INSR: variants seen among roughly 807,000 people sequenced by gnomAD.
INSR encodes IR.
A neutral mutation model predicts 142.6 loss-of-function variants in INSR; 67 were observed. The ratio of observed to expected loss-of-function variants is 0.47; its 90% CI spans 0.39 to 0.58. The LOEUF (loss-of-function observed/expected upper bound fraction) is 0.58. INSR is among the 20% of genes least tolerant of loss of function. INSR has a pLI of 0.00. For synonymous variants in INSR, 756 were observed against 743.1 expected (o/e 1.02, Z -0.28); for missense variants, 1,248 against 1,833.2 (o/e 0.68, Z 5.83).
In INSR at chr19:7,192,054, GAGAA is replaced by G. The variant is rs1376551703; in HGVS notation, c.653-7421_653-7418del. 2.1e-5 allele frequency among the ~76,000 whole-genome samples: 3 copies of G among 143,230 alleles called. No individual in the cohort carries two copies. The highest frequency in any genetic ancestry group is 3.0e-5 in the Non-Finnish European group (2 of 66,020). The allele number at this position is 143,230 out of a possible 152,430, so 94.0% of individuals were successfully genotyped here. A position where few individuals can be genotyped will look rare whatever the true frequency, so the allele number is the denominator to read the frequency against. ...AGAAAGAAAGAGGCAGGAAGGGAGGGAGAAAGAAAGAAGGAAAGAAAGAGAGAAA... is the reference window on the plus strand; with the variant it reads ...AGAAAGAAAGAGGCAGGAAGGGAGGGAGAAAGAAGGAAAGAAAGAGAGAAA... On this transcript the variant is annotated intron_variant, in intron 2 of 21. Coordinates refer to ENST00000302850, the MANE Select transcript of INSR (RefSeq NM_000208.4). This position sits in a 1 kb window ranked among gnomAD's most constrained non-coding sequence, Gnocchi z 4.2.
chr19:7,145,074 G>C (rs1008137794), intron 11 of INSR, among the ~76,000 whole-genome samples: 1 of 151,280 alleles, frequency 6.6e-6, no homozygotes, highest in Non-Finnish European at 1.5e-5. Context: ...TCCTTTATTG[G>C]TTCTCTGTGA....
chr19:7,119,767 A>G lies in INSR; in HGVS notation c.3660-184T>C, dbSNP rs1972436836. Among the ~76,000 whole-genome samples, 1 of 136,590 alleles carries G rather than the reference A, an allele frequency of 7.3e-6. No individual in the cohort carries two copies. The highest frequency in any genetic ancestry group is 1.6e-5 in the Non-Finnish European group (1 of 62,942). The allele number at this position is 136,590 out of a possible 152,430, so 89.6% of individuals were successfully genotyped here. The stretch of plus-strand genomic sequence containing the variant: ...GTGCACACACATGCAAATACACACA[A>G]ACACGCATGCGCACACATGCACACA... On this transcript the variant is annotated intron_variant, in intron 20 of 21. Transcript: ENST00000302850. This position sits in a 1 kb window ranked among gnomAD's most constrained non-coding sequence, Gnocchi z 5.2.
At position 7,190,369 on chromosome 19, in the gene INSR, GTTTT is replaced by G. The variant is rs34757652; in HGVS notation, c.653-5736_653-5733del. Among the ~76,000 whole-genome samples, 15 of 102,696 alleles carry G rather than the reference GTTTT, an allele frequency of 1.5e-4. No homozygotes were observed. In the South Asian group the frequency reaches 1.9e-3, roughly 13 times the overall value. 67.4% of individuals were successfully genotyped at this position (102,696 alleles called of 152,430 possible). ...ACATGCTGACCTGTGTTCTTTGGTGGTTTTTTTTTTTTTTTTTTTTTGAGACAGA... is the reference window on the plus strand; with the variant it reads ...ACATGCTGACCTGTGTTCTTTGGTGGTTTTTTTTTTTTTTTTTGAGACAGA... On this transcript the variant is annotated intron_variant, in intron 2 of 21. Transcript: ENST00000302850.
At chr19:7,135,995 ATG>A (rs1972915184) in intron 13 of INSR, among the ~76,000 whole-genome samples, 1 of 151,196 alleles carries the variant, frequency 6.6e-6, no homozygotes, top group South Asian at 2.1e-4. Flanking sequence ...AATGAAAGAA[ATG>A]CCAAACTCTT....
Position 7,267,544 on chromosome 19 carries a change from C to A in INSR, c.453G>T (p.Glu151Asp). The A allele has an allele frequency of 6.2e-7, 1 of 1,614,094 alleles. No homozygotes were observed. The highest frequency in any genetic ancestry group is 8.5e-7 in the Non-Finnish European group (1 of 1,180,026). ...RGSVRIEKNNELCYLATIDWS... is the reference protein window; with the variant it reads ...RGSVRIEKNNDLCYLATIDWS... ...AGTCGATAGTGGCCAAGTAACAGAG[C>A]TCATTGTTCTTCTCGATGCGGACAG... Residue 151 changes from glutamate to aspartate, a missense_variant, in exon 2 of 22, where the codon GAG becomes GAT. By Grantham distance (45) the Glu-to-Asp change is conservative. This residue lies in a region of INSR where 1,069 missense variants were observed against 1,654.0 expected (regional missense o/e 0.65). Coordinates refer to ENST00000302850, the MANE Select transcript of INSR (RefSeq NM_000208.4). This position sits in a 1 kb window ranked among gnomAD's most constrained non-coding sequence, Gnocchi z 6.3.
chr19:7,153,121 CA>C (rs1973445901), intron 9 of INSR, among the ~76,000 whole-genome samples, 194 bp from the exon 10 acceptor site: 1 of 104,888 alleles, frequency 9.5e-6, no homozygotes, highest in Non-Finnish European at 1.9e-5. Context: ...CACAACCACA[CA>C]CACACACCAC....
At chr19:7,227,568 C>A (rs373517370) in intron 2 of INSR, among the ~76,000 whole-genome samples, 1 of 152,220 alleles carries the variant, frequency 6.6e-6, no homozygotes, top group South Asian at 2.1e-4. Flanking sequence ...CCACTGCACC[C>A]GGTCAACATT....
chr19:7,266,777 C>A (rs970096829), intron 2 of INSR, among the ~76,000 whole-genome samples: 1 of 152,092 alleles, frequency 6.6e-6, no homozygotes, highest in Non-Finnish European at 1.5e-5. Flanking sequence ...GGAACAACCC[C>A]CAATAAACTA....
At chr19:7,261,007 C>G (rs1977044053) in intron 2 of INSR, among the ~76,000 whole-genome samples, 1 of 152,048 alleles carries the variant, frequency 6.6e-6, no homozygotes, top group Non-Finnish European at 1.5e-5. Flanking sequence ...CCCACCTCAG[C>G]CTTCCAAGTA....
chr19:7,124,975 C>T lies in INSR; in HGVS notation c.3258+308G>A, dbSNP rs2288404. 0.45 allele frequency among the ~76,000 whole-genome samples: 67,536 copies of T among 151,410 alleles called. 15,676 individuals carry two copies. The highest frequency in any genetic ancestry group is 0.55 in the Admixed American group (8,387 of 15,202). On this transcript the variant is annotated intron_variant, in intron 17 of 21. Coordinates refer to ENST00000302850, the MANE Select transcript of INSR (RefSeq NM_000208.4). Reference sequence around the variant, plus strand: ...GATTGTGGAAAATGATGGAAGATTCCGGAAAGTGGTGGAAGATTCCAGAAA... The same window carrying T: ...GATTGTGGAAAATGATGGAAGATTCTGGAAAGTGGTGGAAGATTCCAGAAA...
chr19:7,275,351 CCT>C (rs1216079613), intron 1 of INSR, among the ~76,000 whole-genome samples: 1 of 152,148 alleles, frequency 6.6e-6, no homozygotes, highest in Non-Finnish European at 1.5e-5. Flanking sequence ...CCGCCTACTA[CCT>C]CAAGTTCACA....
chr19:7,176,601 AAAAC>A (rs908684121), intron 3 of INSR, among the ~76,000 whole-genome samples: 1 of 152,140 alleles, frequency 6.6e-6, no homozygotes, highest in South Asian at 2.1e-4. Context: ...AATCTGTCTC[AAAAC>A]AAACAAACAA....
chr19:7,166,480 G>A lies in INSR; in HGVS notation c.1611-76C>T. On this transcript the variant is annotated intron_variant, in intron 7 of 21. Coordinates refer to ENST00000302850, the MANE Select transcript of INSR (RefSeq NM_000208.4). The surrounding 1 kb of genome is among the most constrained non-coding windows in gnomAD (Gnocchi z 4.1). ...TGAGTGCCGTGCAGATGAGGCCTGG[G>A]AAGTTACATCCCATAGGGTCACATG... The A allele has an allele frequency of 6.6e-7, 1 of 1,522,872 alleles. No individual in the cohort carries two copies. The highest frequency in any genetic ancestry group is 1.8e-5 in the Admixed American group (1 of 55,856). The allele number at this position is 1,522,872 out of a possible 1,614,324, so 94.3% of individuals were successfully genotyped here. A position where few individuals can be genotyped will look rare whatever the true frequency, so the allele number is the denominator to read the frequency against.
chr19:7,269,414 C>T (rs1230467631), intron 1 of INSR, among the ~76,000 whole-genome samples: 1 of 137,726 alleles, frequency 7.3e-6, no homozygotes, highest in Non-Finnish European at 1.6e-5. Context: ...CACACACACA[C>T]ACACACACAC....
chr19:7,172,258 C>A (rs771916600), intron 5 of INSR, 32 bp downstream of exon 5: 4 of 1,613,042 alleles, frequency 2.5e-6, no homozygotes, highest in Non-Finnish European at 3.4e-6. Context: ...CTAGTTAGCA[C>A]TCAGGCCATA....
chr19:7,141,515 T>C, intron 13 of INSR, 162 bp downstream of exon 13: 1 of 953,398 alleles, frequency 1.0e-6, no homozygotes, highest in Non-Finnish European at 1.6e-6. Context: ...CTGACCCATC[T>C]TCCTGCGAAG....
rs1470224976 is a variant in INSR, at chr19:7,153,056, CA to C, written c.2030-130del. ...CACACACACACCACACACCCCCCCA[CA>C]CACACACACCACACACATCACACAA... On this transcript the variant is annotated intron_variant, in intron 9 of 21. Coordinates refer to ENST00000302850, the MANE Select transcript of INSR (RefSeq NM_000208.4). 703 of 308,886 alleles carry C rather than the reference CA, an allele frequency of 2.3e-3. 20 individuals carry two copies. The African/African-American group carries it at 0.03, about 13-fold the overall frequency. 19.1% of individuals were successfully genotyped at this position (308,886 alleles called of 1,614,324 possible).
At chr19:7,250,431 AAG>A (rs1490938720) in intron 2 of INSR, among the ~76,000 whole-genome samples, 30 of 119,624 alleles carry the variant, frequency 2.5e-4, no homozygotes, top group African/African-American at 9.2e-4. Flanking sequence ...GCAAGGAAGA[AAG>A]AAGAAAAGAA....
At chr19:7,253,111 C>CAA (rs534566042) in intron 2 of INSR, among the ~76,000 whole-genome samples, 17,138 of 136,704 alleles carry the variant, frequency 0.13, 1,773 homozygotes, top group African/African-American at 0.28. Flanking sequence ...GAGACTCCGC[C>CAA]AAAAAAAAAA....
Sources: gnomAD v4.1 joint callset for allele counts (sites outside exome capture counted in the v4.1 genomes callset) on GRCh38, gnomAD v4.1.1 for gene constraint, gnomAD v4.1.1 regional missense constraint, Gnocchi (gnomAD v3.1) non-coding constraint, MANE v1.5 for transcripts, NCBI Gene and HGNC (gene_info 2026-07-23, HGNC 2026-07-21) for gene names.